ZNF680: variants seen among roughly 807,000 people sequenced by gnomAD.
ZNF680 encodes zinc finger protein 680, also known as hypothetical protein FLJ90430.
Under a neutral mutation model 12.1 loss-of-function variants are expected in ZNF680, and 6 were observed. The observed-to-expected ratio is 0.49, with a 90% CI of 0.27 to 0.98. The LOEUF (loss-of-function observed/expected upper bound fraction) is 0.98. Among genes scored for constraint, ZNF680 ranks in the 50% least tolerant of loss-of-function variants. The pLI, the probability that ZNF680 is intolerant of heterozygous loss-of-function variation, is 0.12. For missense variants in ZNF680, 561 were observed against 616.3 expected (o/e 0.91, Z 0.95); for synonymous variants, 170 against 199.3 (o/e 0.85, Z 1.24).
intron 1 of ZNF680, among the ~76,000 whole-genome samples, chr7:64,552,938 C>A (rs1456907271): frequency 6.6e-6 from 1 of 152,052 alleles, no homozygotes; most frequent in Non-Finnish European, 1.5e-5. Flanking sequence ...CCAGCCTGGC[C>A]AACATGGCAA....
At chr7:64,555,080 T>G (rs1787335253) in intron 1 of ZNF680, among the ~76,000 whole-genome samples, 1 of 152,158 alleles carries the variant, frequency 6.6e-6, no homozygotes, top group Non-Finnish European at 1.5e-5. Context: ...GACACAATAA[T>G]AGTGGGATAC....
At chr7:64,501,411 G>A in the ZNF680 span, 1 of 1,099,840 alleles carries the variant, frequency 9.1e-7, no homozygotes, top group East Asian at 2.5e-5. Context: ...AGGCCATTAA[G>A]AAGGAACTGA....
intron 3 of ZNF680, among the ~76,000 whole-genome samples, chr7:64,534,189 T>C (rs574185677): frequency 5.5e-4 from 83 of 152,050 alleles, no homozygotes; most frequent in African/African-American, 1.9e-3. Context: ...CAAAAGAGCT[T>C]TTGCACAGCA....
At chr7:64,536,684 A>G (rs1786186627) in intron 3 of ZNF680, among the ~76,000 whole-genome samples, 1 of 152,232 alleles carries the variant, frequency 6.6e-6, no homozygotes, top group Admixed American at 6.5e-5. Flanking sequence ...ACAGACTCAT[A>G]AAAAACTTCT....
At chr7:64,542,815 C>A (rs113852165) in intron 3 of ZNF680, among the ~76,000 whole-genome samples, 1 of 152,204 alleles carries the variant, frequency 6.6e-6, no homozygotes, top group Non-Finnish European at 1.5e-5. Context: ...TCTCCTGCCT[C>A]AGCCTTTTGG....
the ZNF680 span, among the ~76,000 whole-genome samples, chr7:64,509,074 A>G: frequency 6.6e-6 from 1 of 152,146 alleles, no homozygotes. Context: ...GTAAAAGTTC[A>G]GCATTGTCCA....
chr7:64,540,948 T>G (rs1308184948), intron 3 of ZNF680, among the ~76,000 whole-genome samples: 3 of 152,112 alleles, frequency 2.0e-5, no homozygotes, highest in African/African-American at 7.2e-5. Context: ...AACAATAAAT[T>G]TATAATAAAC....
chr7:64,532,545 CAA>C (rs144144320), intron 3 of ZNF680, among the ~76,000 whole-genome samples: 34,229 of 151,758 alleles, frequency 0.23, 4,032 homozygotes, highest in South Asian at 0.28. Context: ...GAATTACCAA[CAA>C]AAAAAGTCCA....
At chr7:64,508,023 A>C in the ZNF680 span, among the ~76,000 whole-genome samples, 1 of 150,390 alleles carries the variant, frequency 6.6e-6, no homozygotes, top group African/African-American at 2.4e-5. Flanking sequence ...AAGGCTCTAA[A>C]GCTACTGTTT....
Position 64,521,653 on chromosome 7 carries a change from T to C in ZNF680, c.1101A>G (p.Arg367=). ...TCTCTCCAGTATGAATTTTCTTATG[T>C]CTAGTAAGGTTTGCAAACTGGTTAA... is the stretch of plus-strand genomic sequence containing the variant. ...KAFNQFANLT[R]HKKIHTGEKS... is the part of the protein sequence containing the mutation. The change falls in exon 4 of 4, where the codon AGA becomes AGG. Residue 367 remains arginine, a synonymous_variant. Coordinates refer to ENST00000309683, the MANE Select transcript of ZNF680 (RefSeq NM_178558.5). The C allele has an allele frequency of 6.2e-7, 1 of 1,612,348 alleles. No individual in the cohort carries two copies. The highest frequency in any genetic ancestry group is 8.5e-7 in the Non-Finnish European group (1 of 1,179,746).
intron 1 of ZNF680, among the ~76,000 whole-genome samples, chr7:64,549,936 T>C (rs1442295528): frequency 1.3e-5 from 2 of 151,968 alleles, no homozygotes; most frequent in Non-Finnish European, 2.9e-5. Context: ...TGAGCAGAGA[T>C]CGCACCATTG....
At chr7:64,501,349 A>G in the ZNF680 span, 31 of 1,225,684 alleles carry the variant, frequency 2.5e-5, no homozygotes, top group Admixed American at 2.6e-4. Flanking sequence ...CAATTCTAAG[A>G]GTGGACAGCA....
intron 3 of ZNF680, among the ~76,000 whole-genome samples, chr7:64,539,823 T>G (rs1786405260): frequency 6.6e-6 from 1 of 151,652 alleles, no homozygotes; most frequent in Non-Finnish European, 1.5e-5. Context: ...TTAAAAATAG[T>G]TTTTTTTGTA....
intron 1 of ZNF680, among the ~76,000 whole-genome samples, chr7:64,555,415 G>A (rs535466899): frequency 1.3e-5 from 2 of 150,412 alleles, no homozygotes; most frequent in Admixed American, 1.3e-4. Flanking sequence ...TGACTTTTGA[G>A]TAAATAATGA....
chr7:64,556,576 C>T (rs754588531), intron 1 of ZNF680, among the ~76,000 whole-genome samples: 1 of 151,454 alleles, frequency 6.6e-6, no homozygotes, highest in Non-Finnish European at 1.5e-5. Context: ...CCAGCTAGCA[C>T]TATGTAAAAG....
In ZNF680 at chr7:64,546,280, C is replaced by T. The variant is rs959044765; in HGVS notation, c.31-1848G>A. On this transcript the variant is annotated intron_variant, in intron 1 of 3. Coordinates refer to ENST00000309683, the MANE Select transcript of ZNF680 (RefSeq NM_178558.5). Reference sequence around the variant, plus strand: ...CAGATGAGATTCTCTGGACAAATTACACTTGTATCTTGAGAATATGCCTCT... The same window carrying T: ...CAGATGAGATTCTCTGGACAAATTATACTTGTATCTTGAGAATATGCCTCT... Among the ~76,000 whole-genome samples, 3 of 152,140 alleles carry T rather than the reference C, an allele frequency of 2.0e-5. No individual in the cohort carries two copies. In the East Asian group the frequency reaches 5.8e-4, roughly 29 times the overall value.
chr7:64,553,663 C>G (rs1363148321), intron 1 of ZNF680, among the ~76,000 whole-genome samples: 3 of 152,252 alleles, frequency 2.0e-5, no homozygotes, highest in African/African-American at 7.2e-5. Context: ...CTGCCGCCAT[C>G]TCGGCTCACT....
At chr7:64,500,105 C>T in the ZNF680 span, among the ~76,000 whole-genome samples, 1 of 152,104 alleles carries the variant, frequency 6.6e-6, no homozygotes, top group South Asian at 2.1e-4. Context: ...GCCAGCTGCC[C>T]CCCTAGGTTT....
At chr7:64,552,572 G>T (rs1245975455) in intron 1 of ZNF680, among the ~76,000 whole-genome samples, 3 of 152,118 alleles carry the variant, frequency 2.0e-5, no homozygotes, top group African/African-American at 7.2e-5. Context: ...AAGGTAATAA[G>T]TATGTAAGAC....
Sources: allele counts gnomAD v4.1 joint callset (sites outside exome capture counted in the v4.1 genomes callset), GRCh38; gene constraint gnomAD v4.1.1; transcripts MANE v1.5; gene names NCBI Gene and HGNC (gene_info 2026-07-23, HGNC 2026-07-21).